NTRK3: variants seen among roughly 807,000 people sequenced by gnomAD.
NTRK3 encodes neurotrophic receptor tyrosine kinase 3.
In NTRK3, 24 loss-of-function variants were observed where a neutral mutation model predicts 91.7. The ratio of observed to expected loss-of-function variants is 0.26; its 90% CI spans 0.19 to 0.37. NTRK3 has a LOEUF of 0.37. Ranked by LOEUF, NTRK3 falls within the 10% of genes least tolerant of loss-of-function variation. The pLI, the probability that NTRK3 is intolerant of heterozygous loss-of-function variation, is 1.00. For synonymous variants in NTRK3, 483 were observed against 404.0 expected (o/e 1.20, Z -2.34); for missense variants, 880 against 1,068.9 (o/e 0.82, Z 2.46).
chr15:87,907,428 T>C (rs77979036), intron 17 of NTRK3, among the ~76,000 whole-genome samples: 4,220 of 151,944 alleles, frequency 0.028, 115 homozygotes, highest in African/African-American at 0.073. Flanking sequence ...ACCTGGGAGG[T>C]TATGCTTAAT....
chr15:88,035,876 G>A (rs2079027491), intron 13 of NTRK3, among the ~76,000 whole-genome samples: 1 of 152,168 alleles, frequency 6.6e-6, no homozygotes, highest in South Asian at 2.1e-4. Context: ...GTAGTGAAGA[G>A]TCCTTGGAAA....
chr15:87,891,256 A>G (rs1048837522), intron 17 of NTRK3, among the ~76,000 whole-genome samples: 1 of 152,200 alleles, frequency 6.6e-6, no homozygotes, highest in Non-Finnish European at 1.5e-5. Context: ...AAACATAGCT[A>G]TGTTTTAAAG....
At chr15:88,116,151 G>A (rs1323256965) in intron 13 of NTRK3, among the ~76,000 whole-genome samples, 1 of 152,172 alleles carries the variant, frequency 6.6e-6, no homozygotes, top group East Asian at 1.9e-4. Flanking sequence ...ATCAACTGGG[G>A]CAGCAGACCT....
At chr15:88,168,378 G>A (rs898938852) in intron 5 of NTRK3, among the ~76,000 whole-genome samples, 2 of 152,140 alleles carry the variant, frequency 1.3e-5, no homozygotes, top group Non-Finnish European at 1.5e-5. Flanking sequence ...GGTGGGAAGG[G>A]AAGGGAGGAG....
At chr15:88,039,443 C>T (rs2079397519) in intron 13 of NTRK3, among the ~76,000 whole-genome samples, 1 of 152,100 alleles carries the variant, frequency 6.6e-6, no homozygotes, top group South Asian at 2.1e-4. Flanking sequence ...CATATCATAA[C>T]AGAACCATTG....
At chr15:87,951,191 G>T (rs1255943602) in intron 14 of NTRK3, among the ~76,000 whole-genome samples, 1 of 152,072 alleles carries the variant, frequency 6.6e-6, no homozygotes, top group Non-Finnish European at 1.5e-5. Context: ...CCCCAACACG[G>T]GAAATAATCC....
At chr15:88,077,157 G>A (rs891822616) in intron 13 of NTRK3, among the ~76,000 whole-genome samples, 1 of 152,082 alleles carries the variant, frequency 6.6e-6, no homozygotes, top group African/African-American at 2.4e-5. Flanking sequence ...ATAAATGAAG[G>A]AATGGACAGT....
intron 13 of NTRK3, among the ~76,000 whole-genome samples, chr15:88,115,381 A>G (rs546553388): frequency 3.3e-5 from 5 of 152,354 alleles, no homozygotes; most frequent in African/African-American, 1.2e-4. Context: ...GCCCAGGCCA[A>G]CAACAGGGTG....
chr15:88,252,083 C>A (rs1567721921), intron 3 of NTRK3, among the ~76,000 whole-genome samples: 2 of 152,128 alleles, frequency 1.3e-5, no homozygotes, highest in South Asian at 2.1e-4. Context: ...CAGGTTTGAT[C>A]CTGGAAGTAC....
chr15:88,183,298 A>G, intron 5 of NTRK3, 120 bp downstream of exon 5: 1 of 974,962 alleles, frequency 1.0e-6, no homozygotes, highest in South Asian at 1.3e-5. Flanking sequence ...AATAAAGTTC[A>G]AAACCTTGCC....
At chr15:88,134,585 C>T (rs10520674) in intron 10 of NTRK3, among the ~76,000 whole-genome samples, 3 of 152,108 alleles carry the variant, frequency 2.0e-5, no homozygotes, top group Non-Finnish European at 4.4e-5. Context: ...GTCATTCATC[C>T]GTTAAATGGA....
At chr15:88,060,584 C>G (rs1472593902) in intron 13 of NTRK3, among the ~76,000 whole-genome samples, 1 of 151,688 alleles carries the variant, frequency 6.6e-6, no homozygotes, top group African/African-American at 2.4e-5. Flanking sequence ...AGCCCCAAGC[C>G]AGGCCGTGCA....
chr15:87,997,396 T>C (rs1048428185), intron 14 of NTRK3, among the ~76,000 whole-genome samples: 3 of 152,138 alleles, frequency 2.0e-5, no homozygotes, highest in Non-Finnish European at 4.4e-5. Context: ...CCTCCTTCTA[T>C]ATATCCTTCA....
At chr15:88,188,763 C>T (rs2047151227) in intron 3 of NTRK3, among the ~76,000 whole-genome samples, 1 of 152,220 alleles carries the variant, frequency 6.6e-6, no homozygotes. Flanking sequence ...GTGTGTTGGC[C>T]TGCTGGACCG....
intron 5 of NTRK3, among the ~76,000 whole-genome samples, chr15:88,158,800 C>T (rs531572294): frequency 3.9e-5 from 6 of 152,108 alleles, no homozygotes; most frequent in East Asian, 1.9e-4. Flanking sequence ...CCAGGCCTGG[C>T]GTGGGAGCTG....
At chr15:88,143,493 G>T (rs2042588798) in intron 6 of NTRK3, among the ~76,000 whole-genome samples, 2 of 152,194 alleles carry the variant, frequency 1.3e-5, no homozygotes, top group Admixed American at 1.3e-4. Context: ...CCAAGTGTGT[G>T]GTAATTTGTT....
intron 13 of NTRK3, among the ~76,000 whole-genome samples, chr15:88,115,868 A>G (rs11635277): frequency 0.23 from 35,047 of 151,886 alleles, 4,221 homozygotes; most frequent in Non-Finnish European, 0.25. Flanking sequence ...TCCTCCGCCC[A>G]CCGACAGACC....
At chr15:88,092,806 C>G (rs561279741) in intron 13 of NTRK3, among the ~76,000 whole-genome samples, 85 of 152,282 alleles carry the variant, frequency 5.6e-4, no homozygotes, top group African/African-American at 1.8e-3. Context: ...AGGCCAGCAC[C>G]TTCAAATCCC....
At chr15:88,110,696 C>G (rs1004315737) in intron 13 of NTRK3, among the ~76,000 whole-genome samples, 1 of 152,178 alleles carries the variant, frequency 6.6e-6, no homozygotes, top group Non-Finnish European at 1.5e-5. Flanking sequence ...GCATGAGGAA[C>G]CTCAGTCTTA....
Sources: allele counts gnomAD v4.1 joint callset (sites outside exome capture counted in the v4.1 genomes callset), GRCh38; gene constraint gnomAD v4.1.1; transcripts MANE v1.5; gene names NCBI Gene and HGNC (gene_info 2026-07-23, HGNC 2026-07-21).